DCLRE1C: variants seen among roughly 807,000 people sequenced by gnomAD.
DCLRE1C encodes protein artemis.
In DCLRE1C, 47 loss-of-function variants were observed where a neutral mutation model predicts 61.4. The ratio of observed to expected loss-of-function variants is 0.77; its 90% CI spans 0.61 to 0.98. DCLRE1C has a LOEUF of 0.98. Among genes scored for constraint, DCLRE1C ranks in the 50% least tolerant of loss-of-function variants. DCLRE1C has a pLI of 0.00. For missense variants in DCLRE1C, 858 were observed against 816.0 expected, an observed-to-expected ratio of 1.05 and a Z score of -0.63; for synonymous variants, 337 against 287.6, an observed-to-expected ratio of 1.17 and a Z score of -1.74.
In DCLRE1C at chr10:14,934,467, G is replaced by C; in HGVS notation, c.591C>G (p.Ser197Arg). The C allele has an allele frequency of 6.2e-7, 1 of 1,614,158 alleles. No individual in the cohort carries two copies. Among genetic ancestry groups the C allele is most frequent in the Non-Finnish European group, 8.5e-7 (1 of 1,180,042 alleles). Residue 197 changes from serine (S) to arginine (R), a missense_variant, in exon 8 of 14, where the codon AGC (serine) becomes AGG (arginine). Coordinates refer to ENST00000378278, the MANE Select transcript of DCLRE1C (RefSeq NM_001033855.3). ...LELVRSWITR[S>R]PYHVVWLNCK... ...AGTTCAGCCACACAACATGGTACGG[G>C]CTCCGAGTGATCCAGCTTCGGACCA... is the stretch of plus-strand genomic sequence containing the variant.
downstream of DCLRE1C, chr10:14,901,049 T>C: frequency 6.6e-7 from 1 of 1,521,092 alleles, no homozygotes; most frequent in Admixed American, 2.0e-5. Flanking sequence ...ACTAAATCTC[T>C]AGGAAAGTAA....
chr10:14,909,127 C>G lies in DCLRE1C; in HGVS notation c.1360G>C (p.Glu454Gln), dbSNP rs1323775541. 1.2e-6 allele frequency: 2 copies of G among 1,614,112 alleles called. No individual in the cohort carries two copies. Among genetic ancestry groups the G allele is most frequent in the Non-Finnish European group, 8.5e-7 (1 of 1,180,050 alleles). ...TCTTCTTCACTTTCACTGTTGGATT[C>G]TTCACAATCTACAAAGTTTGTGAAA... ...SRFTNFVDCE[E>Q]SNSESEEEVG... Residue 454 changes from glutamate to glutamine, a missense_variant, in exon 14 of 14, where the codon GAA becomes CAA. This residue lies in a region of DCLRE1C where 843 missense variants were observed against 783.5 expected (regional missense o/e 1.08). Transcript: ENST00000378278.
chr10:14,913,067 G>C (rs112022139), intron 13 of DCLRE1C, among the ~76,000 whole-genome samples: 5,914 of 151,932 alleles, frequency 0.039, 147 homozygotes, highest in Middle Eastern at 0.094. Context: ...GTGTTAGCCA[G>C]GATGGTCTCG....
At chr10:14,940,496 G>A (rs1199480575) in intron 3 of DCLRE1C, among the ~76,000 whole-genome samples, 1 of 151,846 alleles carries the variant, frequency 6.6e-6, no homozygotes, top group African/African-American at 2.4e-5. Context: ...TTGACATGTT[G>A]GCCAGGCTGG....
upstream of DCLRE1C, chr10:14,954,176 A>C (rs1416878888): frequency 8.1e-7 from 1 of 1,236,308 alleles, no homozygotes; most frequent in South Asian, 1.3e-5. Context: ...AAAGTCAAGG[A>C]GCATCCGGTC....
At chr10:14,933,281 C>T (rs202055311) in intron 8 of DCLRE1C, among the ~76,000 whole-genome samples, 4 of 152,158 alleles carry the variant, frequency 2.6e-5, no homozygotes, top group African/African-American at 7.2e-5. Flanking sequence ...TACTATGTGT[C>T]GAGCTTTATT....
chr10:14,936,169 C>T (rs1414243671), intron 5 of DCLRE1C, among the ~76,000 whole-genome samples: 3 of 152,252 alleles, frequency 2.0e-5, no homozygotes, highest in Non-Finnish European at 1.5e-5. Flanking sequence ...GCCGGGATTA[C>T]AGGTGTGAGC....
Position 14,932,840 on chromosome 10 carries a change from A to C in DCLRE1C, c.780+14T>G, listed in dbSNP as rs1363309195. On this transcript the variant is annotated intron_variant, in intron 9 of 13. Transcript: ENST00000378278. ...TTACACAAACAATACGAGAGGAATCACTTGCACACGTACCTTGGGATGCCG... is the reference window on the plus strand; with the variant it reads ...TTACACAAACAATACGAGAGGAATCCCTTGCACACGTACCTTGGGATGCCG... The C allele has an allele frequency of 6.2e-7, 1 of 1,613,172 alleles. No individual in the cohort carries two copies.
intron 5 of DCLRE1C, among the ~76,000 whole-genome samples, 194 bp downstream of exon 5, chr10:14,936,344 A>T (rs34866811): frequency 0.24 from 31,784 of 129,888 alleles, 4,121 homozygotes; most frequent in African/African-American, 0.4. Flanking sequence ...TTTTTTTTTT[A>T]AAAAAAAAAC....
chr10:14,934,625 G>C (rs551174399), intron 7 of DCLRE1C, 78 bp downstream of exon 7: 1 of 1,610,090 alleles, frequency 6.2e-7, no homozygotes, highest in Non-Finnish European at 8.5e-7. Flanking sequence ...GTTAGGATAT[G>C]ACCTGTCACC....
intron 8 of DCLRE1C, among the ~76,000 whole-genome samples, chr10:14,933,412 G>A (rs916612231): frequency 4.6e-5 from 7 of 152,182 alleles, no homozygotes; most frequent in African/African-American, 1.7e-4. Context: ...GGAGGCCGGT[G>A]GATCACTTGA....
intron 13 of DCLRE1C, among the ~76,000 whole-genome samples, chr10:14,915,298 G>T (rs1280515983): frequency 6.6e-6 from 1 of 151,662 alleles, no homozygotes; most frequent in Non-Finnish European, 1.5e-5. Flanking sequence ...CAATGAAATA[G>T]AAAACTACCC....
chr10:14,898,104 A>AT (rs1489884725), exon 14 of DCLRE1C: 2 of 150,882 alleles, frequency 1.3e-5, no homozygotes, highest in Non-Finnish European at 3.0e-5. Flanking sequence ...ATATATATAT[A>AT]AATGTAAAAA....
In DCLRE1C at chr10:14,936,664, C is replaced by T. The variant is rs1482311132; in HGVS notation, c.307-71G>A. 8 of 1,035,336 alleles carry T rather than the reference C, an allele frequency of 7.7e-6. No homozygotes were observed. The East Asian group carries it at 1.8e-4, about 23-fold the overall frequency. The allele number at this position is 1,035,336 out of a possible 1,614,324, so 64.1% of individuals were successfully genotyped here. On this transcript the variant is annotated intron_variant, in intron 4 of 13. Transcript: ENST00000378278. ...TTAGGACCTAGCTCAACAAAGCCCT[C>T]CTTCACAGAACACATTTATGTACCT...
chr10:14,933,419 T>C (rs928549102), intron 8 of DCLRE1C, among the ~76,000 whole-genome samples: 7 of 152,106 alleles, frequency 4.6e-5, no homozygotes, highest in African/African-American at 1.7e-4. Flanking sequence ...GGTGGATCAC[T>C]TGAGGTCAGG....
At chr10:14,933,884 A>C (rs1410695698) in intron 8 of DCLRE1C, among the ~76,000 whole-genome samples, 1 of 152,142 alleles carries the variant, frequency 6.6e-6, no homozygotes, top group Non-Finnish European at 1.5e-5. Flanking sequence ...GATGTGACTG[A>C]ACTAAGATGA....
At chr10:14,898,193 G>A (rs1833725989) in exon 14 of DCLRE1C, 1 of 122,110 alleles carries the variant, frequency 8.2e-6, no homozygotes, top group African/African-American at 3.1e-5. Context: ...CAGTGAGGTA[G>A]TACTGTTTCT....
At chr10:14,945,078 T>A (rs770645271) in intron 3 of DCLRE1C, 27 bp downstream of exon 3, 6 of 1,564,328 alleles carry the variant, frequency 3.8e-6, no homozygotes, top group African/African-American at 1.4e-5. Context: ...TTAAAAAAAA[T>A]TAAGTTATTA....
intron 2 of DCLRE1C, among the ~76,000 whole-genome samples, chr10:14,946,509 C>G (rs908403495): frequency 5.9e-5 from 9 of 152,120 alleles, no homozygotes; most frequent in African/African-American, 2.2e-4. Context: ...TCTGTAATTA[C>G]CTTCACCATA....
Sources: gnomAD v4.1 joint callset for allele counts (sites outside exome capture counted in the v4.1 genomes callset) on GRCh38, gnomAD v4.1.1 for gene constraint, gnomAD v4.1.1 regional missense constraint, MANE v1.5 for transcripts, NCBI Gene and HGNC (gene_info 2026-07-23, HGNC 2026-07-21) for gene names.